Variants in CSN3 observed in about 807,000 individuals in gnomAD.
The protein encoded by CSN3 is kappa-casein.
In CSN3, 7 loss-of-function variants were observed where a neutral mutation model predicts 9.9. The observed-to-expected ratio is 0.71, with a 90% CI of 0.40 to 1.33. The LOEUF (loss-of-function observed/expected upper bound fraction) is 1.33, where lower values mean the gene tolerates loss of function less well. Ranked by LOEUF, CSN3 falls within the 40% of genes most tolerant of loss-of-function variation. CSN3 has a pLI of 0.01. For missense variants in CSN3, 253 were observed against 227.9 expected, an observed-to-expected ratio of 1.11 and a Z score of -0.71; for synonymous variants, 88 against 82.3, an observed-to-expected ratio of 1.07 and a Z score of -0.37.
At chr4:70,247,252 T>C (rs1275240517) in intron 2 of CSN3, among the ~76,000 whole-genome samples, 1 of 152,084 alleles carries the variant, frequency 6.6e-6, no homozygotes, top group Non-Finnish European at 1.5e-5. Context: ...TAAAAATTGT[T>C]TTCTCACTCC....
upstream of CSN3, among the ~76,000 whole-genome samples, chr4:70,239,362 GGC>G (rs1370787612): frequency 6.6e-6 from 1 of 151,816 alleles, no homozygotes; most frequent in African/African-American, 2.4e-5. Context: ...TCGTTGATCT[GGC>G]TGTTTATTTT....
intron 1 of CSN3, 103 bp downstream of exon 1, chr4:70,242,768 T>C (rs1730298337): frequency 6.6e-6 from 1 of 152,104 alleles, no homozygotes; most frequent in Non-Finnish European, 1.5e-5. Flanking sequence ...TTTTAGTTAT[T>C]GTTAAGTTTG....
chr4:70,248,408 A>C (rs1369610272), intron 3 of CSN3, among the ~76,000 whole-genome samples: 1 of 152,162 alleles, frequency 6.6e-6, no homozygotes, highest in African/African-American at 2.4e-5. Context: ...TTCTTTATCT[A>C]ATCTTTTGTG....
At chr4:70,250,859 G>A (rs1730469190) in intron 4 of CSN3, among the ~76,000 whole-genome samples, 1 of 152,096 alleles carries the variant, frequency 6.6e-6, no homozygotes, top group Non-Finnish European at 1.5e-5. Flanking sequence ...CCTTAGACTA[G>A]CATATGGGTA....
intron 3 of CSN3, among the ~76,000 whole-genome samples, chr4:70,248,587 T>C (rs1218769338): frequency 6.6e-6 from 1 of 152,078 alleles, no homozygotes; most frequent in Non-Finnish European, 1.5e-5. Flanking sequence ...AATACATACG[T>C]GTGTGTGCGC....
At chr4:70,246,242 A>T (rs1337119417) in intron 2 of CSN3, among the ~76,000 whole-genome samples, 2 of 152,186 alleles carry the variant, frequency 1.3e-5, no homozygotes, top group African/African-American at 2.4e-5. Flanking sequence ...GCATAAACAC[A>T]TAGCCTATTG....
At chr4:70,248,971 A>G in intron 3 of CSN3, 27 bp from the exon 4 acceptor site, 1 of 1,476,824 alleles carries the variant, frequency 6.8e-7, no homozygotes, top group Non-Finnish European at 9.1e-7. Flanking sequence ...TAATAATAAT[A>G]TTCTGTATAA....
chr4:70,247,740 AT>A (rs1317826931), intron 2 of CSN3, 77 bp from the exon 3 acceptor site: 5 of 1,218,924 alleles, frequency 4.1e-6, no homozygotes, highest in South Asian at 2.8e-5. Flanking sequence ...AACACAAAAG[AT>A]TTTTTTAACT....
At chr4:70,247,260 T>C (rs889999768) in intron 2 of CSN3, among the ~76,000 whole-genome samples, 1 of 152,078 alleles carries the variant, frequency 6.6e-6, no homozygotes, top group Non-Finnish European at 1.5e-5. Context: ...GTTTTCTCAC[T>C]CCTGATTCTC....
chr4:70,240,246 TG>T (rs564507001), upstream of CSN3, among the ~76,000 whole-genome samples: 307 of 152,158 alleles, frequency 2.0e-3, 3 homozygotes, highest in South Asian at 3.7e-3. Context: ...AAAATGTTTT[TG>T]TTTACAATGC....
intron 2 of CSN3, 56 bp from the exon 3 acceptor site, chr4:70,247,762 C>CTT: frequency 9.4e-6 from 13 of 1,376,884 alleles, no homozygotes; most frequent in Non-Finnish European, 1.3e-5. Context: ...GATTTAAGTA[C>CTT]TTTTTTTTTC....
upstream of CSN3, among the ~76,000 whole-genome samples, chr4:70,241,192 T>A (rs972966034): frequency 6.6e-6 from 1 of 151,982 alleles, no homozygotes. Context: ...CGGACCCTGA[T>A]AATCAAAGGA....
intron 2 of CSN3, among the ~76,000 whole-genome samples, 199 bp downstream of exon 2, chr4:70,245,072 T>A (rs1327709860): frequency 2.0e-5 from 3 of 152,076 alleles, no homozygotes; most frequent in Non-Finnish European, 4.4e-5. Context: ...ATCCATTTAG[T>A]TCTGTGAATT....
chr4:70,249,812 T>C (rs1296575688), intron 4 of CSN3, among the ~76,000 whole-genome samples: 1 of 152,216 alleles, frequency 6.6e-6, no homozygotes, highest in Non-Finnish European at 1.5e-5. Context: ...ACTATGACAG[T>C]AGAGTAAAAC....
chr4:70,243,704 TA>T (rs1191525978), intron 1 of CSN3, among the ~76,000 whole-genome samples: 1 of 152,066 alleles, frequency 6.6e-6, no homozygotes, highest in Non-Finnish European at 1.5e-5. Context: ...TACTTAAATA[TA>T]AAAAGTTTGG....
chr4:70,244,837 A>G (rs1226986582), exon 2 of CSN3: 1 of 1,565,988 alleles, frequency 6.4e-7, no homozygotes, highest in East Asian at 2.3e-5. Context: ...GTTTTCTTCT[A>G]GTTGTCAATG....
At chr4:70,244,941 G>A (rs1578253353) in intron 2 of CSN3, 68 bp downstream of exon 2, 1 of 837,570 alleles carries the variant, frequency 1.2e-6, no homozygotes, top group Non-Finnish European at 1.8e-6. Context: ...CTTTAACTAT[G>A]CAAACTTCTA....
At chr4:70,238,778 C>T (rs966102091), upstream of CSN3, among the ~76,000 whole-genome samples, 1 of 151,628 alleles carries the variant, frequency 6.6e-6, no homozygotes, top group African/African-American at 2.4e-5. Context: ...ATTCTTCTAA[C>T]AGGTTGTTGC....
chr4:70,245,655 C>A (rs901486646), intron 2 of CSN3, among the ~76,000 whole-genome samples: 1 of 152,052 alleles, frequency 6.6e-6, no homozygotes, highest in Admixed American at 6.6e-5. Context: ...TATATGTCCT[C>A]CTCCTAGATT....
Sources: allele counts gnomAD v4.1 joint callset (sites outside exome capture counted in the v4.1 genomes callset), GRCh38; gene constraint gnomAD v4.1.1; transcripts MANE v1.5; gene names NCBI Gene and HGNC (gene_info 2026-07-23, HGNC 2026-07-21).